RETREG1: variants seen among roughly 807,000 people sequenced by gnomAD.
The protein encoded by RETREG1 is family with sequence similarity 134 member B.
Under a neutral mutation model 54.8 loss-of-function variants are expected in RETREG1, and 44 were observed. The observed-to-expected ratio is 0.80, with a 90% CI of 0.63 to 1.03. RETREG1 has a LOEUF of 1.03. Among genes scored for constraint, RETREG1 ranks in the 50% least tolerant of loss-of-function variants. The pLI is 0.00. For missense variants in RETREG1, 554 were observed against 605.1 expected (o/e 0.92, Z 0.89); for synonymous variants, 217 against 238.5 (o/e 0.91, Z 0.83).
Position 16,474,920 on chromosome 5 carries a change from C to A in RETREG1, c.1315G>T (p.Ala439Ser). 1 of 1,613,788 alleles carries A rather than the reference C, an allele frequency of 6.2e-7. No homozygotes were observed. The highest frequency in any genetic ancestry group is 8.5e-7 in the Non-Finnish European group (1 of 1,179,890). ...LEGVQQALSQAAPIPEEDTDT... is the reference protein window; with the variant it reads ...LEGVQQALSQSAPIPEEDTDT... ...GTGTCCTCTTCTGGGATGGGGGCAG[C>A]CTGAGAAAGTGCTTGCTGCACACCC... Residue 439 changes from alanine to serine, a missense_variant, in exon 9 of 9, where the codon GCT (alanine) becomes TCT (serine). Around this residue, in one of 4 missense-constraint regions of RETREG1, gnomAD observed 347 missense variants for 412.3 expected, o/e 0.84. Coordinates refer to ENST00000306320, the MANE Select transcript of RETREG1 (RefSeq NM_001034850.3).
chr5:16,612,935 A>G (rs564291392), intron 1 of RETREG1, among the ~76,000 whole-genome samples: 1 of 152,180 alleles, frequency 6.6e-6, no homozygotes, highest in Non-Finnish European at 1.5e-5. Flanking sequence ...CATTCAGCAT[A>G]TATTACTTTG....
chr5:16,550,390 A>G (rs1200717252), intron 3 of RETREG1, among the ~76,000 whole-genome samples: 2 of 152,148 alleles, frequency 1.3e-5, no homozygotes, highest in Non-Finnish European at 2.9e-5. Context: ...TGGTGCCTAG[A>G]ATTCAACTTC....
chr5:16,528,299 CTAAAT>C (rs1486012742), intron 3 of RETREG1, among the ~76,000 whole-genome samples: 2 of 152,054 alleles, frequency 1.3e-5, no homozygotes, highest in African/African-American at 4.8e-5. Context: ...ATTAACATAA[CTAAAT>C]TAACAGTGAT....
rs32147 is a variant in RETREG1, at chr5:16,474,535, T to C, written c.*206A>G. The C allele has an allele frequency of 2.1e-5, 13 of 618,258 alleles. No homozygotes were observed. Among genetic ancestry groups the C allele is most frequent in the Non-Finnish European group, 3.3e-5 (12 of 363,442 alleles). 38.3% of individuals were successfully genotyped at this position (618,258 alleles called of 1,614,324 possible). ...GTATAAAGTTCATTTCCATGCTTAT[T>C]ACACAAAAATAACGATCAGAAATAT... On this transcript the variant is annotated 3_prime_UTR_variant, in exon 9 of 9. Transcript: ENST00000306320.
At chr5:16,566,617 C>A (rs190853899) in intron 2 of RETREG1, among the ~76,000 whole-genome samples, 1 of 152,314 alleles carries the variant, frequency 6.6e-6, no homozygotes, top group East Asian at 1.9e-4. Flanking sequence ...CCTTCTTAAC[C>A]TTTACTTCCA....
In RETREG1 at chr5:16,616,677, A is replaced by G. The variant is rs1743520200; in HGVS notation, c.295T>C (p.Phe99Leu). ...CAGAACAGCAGGTTGGCAGCGACGA[A>G]GCCGAGCAGGCTCCGCAGCGGCCTC... is the stretch of plus-strand genomic sequence containing the variant. ...WKRPLRSLLG[F>L]VAANLLFWFL... The change falls in exon 1 of 9, where the codon TTC (phenylalanine) becomes CTC (leucine). Residue 99 changes from phenylalanine to leucine, a missense_variant. Physicochemically the swap from Phe to Leu is conservative, Grantham distance 22. Around this residue, in one of 4 missense-constraint regions of RETREG1, gnomAD observed 347 missense variants for 412.3 expected, o/e 0.84. Coordinates refer to ENST00000306320, the MANE Select transcript of RETREG1 (RefSeq NM_001034850.3). 1 of 1,596,204 alleles carries G rather than the reference A, an allele frequency of 6.3e-7. No individual in the cohort carries two copies. The highest frequency in any genetic ancestry group is 1.1e-5 in the South Asian group (1 of 89,826).
chr5:16,568,047 T>C (rs1180067570), intron 2 of RETREG1, among the ~76,000 whole-genome samples: 1 of 152,054 alleles, frequency 6.6e-6, no homozygotes, highest in Admixed American at 6.6e-5. Context: ...AAGCTAGTCA[T>C]GGAAAAGTTT....
At chr5:16,606,643 T>C (rs1743199700) in intron 1 of RETREG1, among the ~76,000 whole-genome samples, 2 of 152,106 alleles carry the variant, frequency 1.3e-5, no homozygotes, top group South Asian at 2.1e-4. Flanking sequence ...ATCTAGCCCA[T>C]AGCCTTTCTC....
chr5:16,612,431 G>A (rs748497631), intron 1 of RETREG1, among the ~76,000 whole-genome samples: 3 of 152,196 alleles, frequency 2.0e-5, no homozygotes, highest in Admixed American at 1.3e-4. Flanking sequence ...AGGAAACTGC[G>A]TAGACAGGGA....
chr5:16,493,296 A>G (rs1739325695), intron 3 of RETREG1, among the ~76,000 whole-genome samples: 1 of 152,174 alleles, frequency 6.6e-6, no homozygotes, highest in African/African-American at 2.4e-5. Flanking sequence ...ACAAGATGCC[A>G]AGTATAAGTC....
chr5:16,492,737 CTTA>C (rs1231050076), intron 3 of RETREG1, among the ~76,000 whole-genome samples: 1 of 152,090 alleles, frequency 6.6e-6, no homozygotes, highest in Non-Finnish European at 1.5e-5. Flanking sequence ...CCTGTGGATA[CTTA>C]TTATGTTCCT....
chr5:16,482,348 A>G (rs1043051030), intron 4 of RETREG1, among the ~76,000 whole-genome samples: 11 of 152,054 alleles, frequency 7.2e-5, no homozygotes, highest in African/African-American at 2.4e-4. Flanking sequence ...ATGCAACCCA[A>G]TGCAGAAGTT....
In RETREG1 at chr5:16,585,101, G is replaced by A. The variant is rs1438061551; in HGVS notation, c.321-12999C>T. ...TTTCTCTAAAGAGATGAGAAATTCT[G>A]GAAGATATCAATCACAGGGAAATGG... On this transcript the variant is annotated intron_variant, in intron 1 of 8. Coordinates refer to ENST00000306320, the MANE Select transcript of RETREG1 (RefSeq NM_001034850.3). The surrounding 1 kb of genome is among the most constrained non-coding windows in gnomAD (Gnocchi z 4.5). Among the ~76,000 whole-genome samples, 1 of 152,064 alleles carries A rather than the reference G, an allele frequency of 6.6e-6. No homozygotes were observed. The highest frequency in any genetic ancestry group is 1.5e-5 in the Non-Finnish European group (1 of 67,998).
intron 3 of RETREG1, among the ~76,000 whole-genome samples, chr5:16,535,643 CTGTG>C: frequency 6.9e-6 from 1 of 145,118 alleles, no homozygotes; most frequent in African/African-American, 2.7e-5. Flanking sequence ...GCTGGGGTTC[CTGTG>C]TGCACGCTGC....
At chr5:16,602,879 A>G (rs559212068) in intron 1 of RETREG1, among the ~76,000 whole-genome samples, 5 of 152,218 alleles carry the variant, frequency 3.3e-5, no homozygotes, top group South Asian at 2.1e-4. Context: ...CTGGTGGAGC[A>G]TGCCTGTAAT....
intron 1 of RETREG1, among the ~76,000 whole-genome samples, chr5:16,607,782 C>A (rs1743236020): frequency 6.6e-6 from 1 of 151,826 alleles, no homozygotes; most frequent in African/African-American, 2.4e-5. Context: ...AAAACCTGGC[C>A]CCACCCTTTG....
Position 16,573,863 on chromosome 5 carries a change from G to T in RETREG1, c.321-1761C>A, listed in dbSNP as rs568889969. On this transcript the variant is annotated intron_variant, in intron 1 of 8. Coordinates refer to ENST00000306320, the MANE Select transcript of RETREG1 (RefSeq NM_001034850.3). ...AGGTTCAAGCAATTCTCCTGCCTCA[G>T]CCGCCCAAGTAGCTGGAAATATAGG... Among the ~76,000 whole-genome samples, 3 of 150,222 alleles carry T rather than the reference G, an allele frequency of 2.0e-5. No homozygotes were observed. In the South Asian group the frequency reaches 6.3e-4, roughly 32 times the overall value.
intron 1 of RETREG1, among the ~76,000 whole-genome samples, chr5:16,573,341 A>G (rs1742234395): frequency 6.6e-6 from 1 of 152,184 alleles, no homozygotes; most frequent in South Asian, 2.1e-4. Flanking sequence ...CAAACCCTGC[A>G]GTGCTTTTTT....
intron 1 of RETREG1, among the ~76,000 whole-genome samples, chr5:16,579,530 T>C (rs1357200838): frequency 6.6e-6 from 1 of 152,202 alleles, no homozygotes; most frequent in Non-Finnish European, 1.5e-5. Flanking sequence ...TTTTGACAAA[T>C]GCATAATGAC....
Sources: allele counts gnomAD v4.1 joint callset (sites outside exome capture counted in the v4.1 genomes callset), GRCh38; gene constraint gnomAD v4.1.1; regional missense constraint gnomAD v4.1.1; non-coding constraint Gnocchi (gnomAD v3.1); transcripts MANE v1.5; gene names NCBI Gene and HGNC (gene_info 2026-07-23, HGNC 2026-07-21).